RBMS1: variants seen among roughly 807,000 people sequenced by gnomAD.
RBMS1 encodes RNA binding motif single stranded interacting protein 1, also known as RNA-binding motif, single-stranded-interacting protein 1.
A neutral mutation model predicts 62.3 loss-of-function variants in RBMS1; 17 were observed. The observed-to-expected ratio is 0.27, with a 90% CI of 0.19 to 0.41. RBMS1 has a LOEUF of 0.41. RBMS1 is among the 10% of genes least tolerant of loss of function. The pLI, the probability that RBMS1 is intolerant of heterozygous loss-of-function variation, is 1.00. For missense variants in RBMS1, 334 were observed against 504.5 expected (o/e 0.66, Z 3.24); for synonymous variants, 172 against 170.0 (o/e 1.01, Z -0.09).
At chr2:160,399,778 A>ACAAATCTCT (rs1363519037) in intron 1 of RBMS1, among the ~76,000 whole-genome samples, 21 of 152,152 alleles carry the variant, frequency 1.4e-4, no homozygotes, top group Admixed American at 1.3e-4. Context: ...CAAAGAGGAG[A>ACAAATCTCT]GAGACAAAGA....
chr2:160,280,708 T>C (rs764434107), intron 10 of RBMS1, among the ~76,000 whole-genome samples: 5 of 152,174 alleles, frequency 3.3e-5, no homozygotes, highest in Non-Finnish European at 7.4e-5. Context: ...GTAACTTTGT[T>C]CTCCATATGT....
chr2:160,421,575 C>A (rs113388967), intron 1 of RBMS1, among the ~76,000 whole-genome samples: 6,979 of 152,200 alleles, frequency 0.046, 325 homozygotes, highest in African/African-American at 0.12. Context: ...GGTTCCAAGT[C>A]TTTGCTATTG....
At chr2:160,424,420 G>A (rs573061822) in intron 1 of RBMS1, among the ~76,000 whole-genome samples, 6 of 151,540 alleles carry the variant, frequency 4.0e-5, no homozygotes, top group Non-Finnish European at 7.4e-5. Context: ...CACTCTTACT[G>A]TCTGTTTTGT....
At chr2:160,361,466 G>A (rs1487660252) in intron 2 of RBMS1, among the ~76,000 whole-genome samples, 1 of 152,200 alleles carries the variant, frequency 6.6e-6, no homozygotes, top group Non-Finnish European at 1.5e-5. Flanking sequence ...CAATTCTTCT[G>A]CAAACACAGG....
chr2:160,491,061 T>C (rs958578981), intron 1 of RBMS1, among the ~76,000 whole-genome samples: 1 of 151,822 alleles, frequency 6.6e-6, no homozygotes, highest in Non-Finnish European at 1.5e-5. Context: ...TTTTTTTTTT[T>C]AAATGATTCA....
At chr2:160,287,286 G>C (rs1344643957) in intron 6 of RBMS1, among the ~76,000 whole-genome samples, 1 of 152,158 alleles carries the variant, frequency 6.6e-6, no homozygotes, top group African/African-American at 2.4e-5. Context: ...TATTATTTCT[G>C]AACATTTAAA....
At chr2:160,478,605 A>G (rs1306582585) in intron 1 of RBMS1, among the ~76,000 whole-genome samples, 2 of 152,186 alleles carry the variant, frequency 1.3e-5, no homozygotes, top group Non-Finnish European at 1.5e-5. Context: ...TGGCATTTTT[A>G]CTGGTAAATC....
chr2:160,463,405 A>ATG (rs1234077488), intron 1 of RBMS1, among the ~76,000 whole-genome samples: 1 of 152,224 alleles, frequency 6.6e-6, no homozygotes, highest in East Asian at 1.9e-4. Flanking sequence ...GAAAATGATA[A>ATG]TGATGTAGTC....
chr2:160,399,710 T>C (rs1695338230), intron 1 of RBMS1, among the ~76,000 whole-genome samples: 1 of 152,152 alleles, frequency 6.6e-6, no homozygotes, highest in African/African-American at 2.4e-5. Flanking sequence ...AATATCTGAA[T>C]TGGCAGGGTT....
At chr2:160,283,665 T>C (rs1688220219) in intron 9 of RBMS1, 2 of 152,204 alleles carry the variant, frequency 1.3e-5, no homozygotes, top group African/African-American at 4.8e-5. Flanking sequence ...CAATTCATTA[T>C]TTAAACGTAT....
chr2:160,275,856 G>A, intron 12 of RBMS1, 142 bp from the exon 13 acceptor site: 1 of 1,226,032 alleles, frequency 8.2e-7, no homozygotes, highest in Non-Finnish European at 1.1e-6. Context: ...GAGCTTTCAA[G>A]GTTAATCATT....
chr2:160,378,144 G>GA (rs59577979), intron 1 of RBMS1, among the ~76,000 whole-genome samples: 3,252 of 141,740 alleles, frequency 0.023, 118 homozygotes, highest in African/African-American at 0.076. Flanking sequence ...TTGCTTTAAA[G>GA]AAAAAAAAAA....
At chr2:160,383,455 G>C (rs964581502) in intron 1 of RBMS1, among the ~76,000 whole-genome samples, 3 of 149,586 alleles carry the variant, frequency 2.0e-5, no homozygotes, top group Non-Finnish European at 4.5e-5. Flanking sequence ...ACATGAATTG[G>C]GGGGGGGGGA....
chr2:160,352,047 T>A (rs1320824417), intron 2 of RBMS1, among the ~76,000 whole-genome samples: 1 of 152,056 alleles, frequency 6.6e-6, no homozygotes, highest in Non-Finnish European at 1.5e-5. Context: ...GAAAGTGAGA[T>A]CCTGCAGAGC....
At chr2:160,473,273 T>C (rs1684995939) in intron 1 of RBMS1, among the ~76,000 whole-genome samples, 1 of 152,182 alleles carries the variant, frequency 6.6e-6, no homozygotes, top group South Asian at 2.1e-4. Flanking sequence ...TTTCCAGGTC[T>C]ATAGAAAAAA....
chr2:160,275,805 A>T, intron 12 of RBMS1, 91 bp from the exon 13 acceptor site: 2 of 1,557,980 alleles, frequency 1.3e-6, no homozygotes, highest in Non-Finnish European at 1.8e-6. Context: ...CAGTGCCTTA[A>T]AAACAGTTAC....
chr2:160,405,257 ATT>A (rs71003495), intron 1 of RBMS1, among the ~76,000 whole-genome samples: 3 of 149,160 alleles, frequency 2.0e-5, no homozygotes, highest in South Asian at 2.1e-4. Context: ...CTTACATTCC[ATT>A]TTTTTTTTTT....
chr2:160,378,496 C>G (rs546814682), intron 1 of RBMS1, among the ~76,000 whole-genome samples: 52 of 152,070 alleles, frequency 3.4e-4, no homozygotes, highest in African/African-American at 1.2e-3. Context: ...ACACCTGTGT[C>G]CAACTACTGG....
chr2:160,493,683 G>A lies in RBMS1; in HGVS notation c.-320C>T. 2 of 419,280 alleles carry A rather than the reference G, an allele frequency of 4.8e-6. No homozygotes were observed. The highest frequency in any genetic ancestry group is 8.7e-6 in the Non-Finnish European group (2 of 229,240). The allele number at this position is 419,280 out of a possible 1,614,324, so 26.0% of individuals were successfully genotyped here. A position where few individuals can be genotyped will look rare whatever the true frequency, so the allele number is the denominator to read the frequency against. On this transcript the variant is annotated 5_prime_UTR_variant, in exon 1 of 14. Coordinates refer to ENST00000348849, the MANE Select transcript of RBMS1 (RefSeq NM_016836.4). ...TCCTCCCGGAGCCCGACTGCTCCGG[G>A]GCTGCCAAGGGCTGGCGCGCTGGCC...
Sources: gnomAD v4.1 joint callset for allele counts (sites outside exome capture counted in the v4.1 genomes callset) on GRCh38, gnomAD v4.1.1 for gene constraint, MANE v1.5 for transcripts, NCBI Gene and HGNC (gene_info 2026-07-23, HGNC 2026-07-21) for gene names.